The following CELF1 variants were observed in gnomAD, a reference collection of about 807,000 sequenced individuals.
CELF1 encodes 50 kDa nuclear polyadenylated RNA-binding protein.
CELF1 carries 10 observed loss-of-function variants against 61.8 expected under a neutral mutation model. The ratio of observed to expected loss-of-function variants is 0.16; its 90% CI spans 0.10 to 0.27. The LOEUF (loss-of-function observed/expected upper bound fraction) is 0.27. Ranked by LOEUF, CELF1 falls within the 10% of genes least tolerant of loss-of-function variation. The pLI is 1.00. For missense variants in CELF1, 380 were observed against 639.1 expected (o/e 0.59, Z 4.37); for synonymous variants, 236 against 225.1 (o/e 1.05, Z -0.43).
intron 1 of CELF1, among the ~76,000 whole-genome samples, chr11:47,549,825 T>G (rs557232822): frequency 6.6e-6 from 1 of 151,728 alleles, no homozygotes; most frequent in East Asian, 1.9e-4. Flanking sequence ...TTTTTGTTTT[T>G]TTTTTTTCTG....
At chr11:47,497,549 A>AT (rs2093344044) in intron 3 of CELF1, among the ~76,000 whole-genome samples, 1 of 152,368 alleles carries the variant, frequency 6.6e-6, no homozygotes, top group South Asian at 2.1e-4. Context: ...AATCGGGGCA[A>AT]TGGCCTACGC....
At chr11:47,474,342 T>A (rs2079039871) in intron 13 of CELF1, among the ~76,000 whole-genome samples, 1 of 152,200 alleles carries the variant, frequency 6.6e-6, no homozygotes, top group Non-Finnish European at 1.5e-5. Flanking sequence ...ATGCCCCTGT[T>A]ACTCTTCTTT....
chr11:47,545,465 C>A (rs759838802), intron 1 of CELF1, among the ~76,000 whole-genome samples: 1 of 151,820 alleles, frequency 6.6e-6, no homozygotes, highest in Non-Finnish European at 1.5e-5. Context: ...TCATTCAGAA[C>A]CATAAAGTCT....
intron 1 of CELF1, among the ~76,000 whole-genome samples, chr11:47,531,027 C>T (rs571187517): frequency 6.6e-6 from 1 of 150,814 alleles, no homozygotes; most frequent in South Asian, 2.1e-4. Flanking sequence ...CGGATGGATT[C>T]CCTGAGGTCA....
intron 13 of CELF1, among the ~76,000 whole-genome samples, chr11:47,474,063 T>G (rs1024853662): frequency 6.6e-6 from 1 of 152,112 alleles, no homozygotes; most frequent in African/African-American, 2.4e-5. Context: ...GGCGCCACCA[T>G]GCCTGGCGTA....
At position 47,482,505 on chromosome 11, in the gene CELF1, C is replaced by T. The variant is rs2083927217; in HGVS notation, c.768+190G>A. Reference sequence around the variant, plus strand: ...CAAGATATAACCAGAGATGCATGTCCAGAGATACATATATATAGAGAGAGA... The same window carrying T: ...CAAGATATAACCAGAGATGCATGTCTAGAGATACATATATATAGAGAGAGA... On this transcript the variant is annotated intron_variant, in intron 9 of 14. Transcript: ENST00000687097. The T allele has an allele frequency of 1.5e-5, 6 of 413,288 alleles. No homozygotes were observed. In the South Asian group the frequency reaches 4.8e-4, roughly 33 times the overall value. The allele number at this position is 413,288 out of a possible 1,614,324, so 25.6% of individuals were successfully genotyped here.
intron 9 of CELF1, 70 bp downstream of exon 9, chr11:47,482,625 C>T: frequency 6.8e-7 from 1 of 1,470,248 alleles, no homozygotes; most frequent in South Asian, 1.3e-5. Flanking sequence ...TGTTTGTTGG[C>T]TAGGGACAGC....
intron 3 of CELF1, among the ~76,000 whole-genome samples, chr11:47,491,713 C>T (rs914479374): frequency 5.9e-5 from 9 of 152,292 alleles, no homozygotes; most frequent in Middle Eastern, 3.4e-3. Context: ...TGAACATAAT[C>T]GGGCTGTATC....
chr11:47,484,586 T>G (rs2085465380), intron 6 of CELF1, 63 bp from the exon 7 acceptor site: 1 of 1,484,352 alleles, frequency 6.7e-7, no homozygotes, highest in Middle Eastern at 1.8e-4. Flanking sequence ...TGGCACAGAT[T>G]TGGGAGCCAG....
rs933049664 is a variant in CELF1 at position 47,470,909 on chromosome 11, GCTAA to G, written c.*1317_*1320del. ...TAAGACCTGCAAGAGGCGGCAGGGA[GCTAA>G]CTGTAGCACGAGGACAAAAATGAAC... On this transcript the variant is annotated 3_prime_UTR_variant, in exon 15 of 15. Coordinates refer to ENST00000687097, the MANE Select transcript of CELF1 (RefSeq NM_001376376.1). The G allele has an allele frequency of 2.0e-5, 3 of 152,228 alleles. No individual in the cohort carries two copies. The highest frequency in any genetic ancestry group is 7.2e-5 in the African/African-American group (3 of 41,426). 9.4% of individuals were successfully genotyped at this position (152,228 alleles called of 1,614,324 possible). A position where few individuals can be genotyped will look rare whatever the true frequency, so the allele number is the denominator to read the frequency against.
At position 47,467,593 on chromosome 11, in the gene CELF1, C is replaced by A. The variant is rs181043887; in HGVS notation, c.*4637G>T. On this transcript the variant is annotated 3_prime_UTR_variant, in exon 15 of 15. Coordinates refer to ENST00000687097, the MANE Select transcript of CELF1 (RefSeq NM_001376376.1). ...CGCTTGGTGTGCAGATGGCCTCCTA[C>A]GGGTGATTGGGAGCGCCCTCCTTCC... 6.6e-6 allele frequency: 1 copy of A among 152,396 alleles called. No individual in the cohort carries two copies. Among genetic ancestry groups the A allele is most frequent in the African/African-American group, 2.4e-5 (1 of 41,444 alleles). 9.4% of individuals were successfully genotyped at this position (152,396 alleles called of 1,614,324 possible). A position where few individuals can be genotyped will look rare whatever the true frequency, so the allele number is the denominator to read the frequency against.
At chr11:47,548,175 T>C (rs1712278801) in intron 1 of CELF1, among the ~76,000 whole-genome samples, 1 of 151,962 alleles carries the variant, frequency 6.6e-6, no homozygotes, top group African/African-American at 2.4e-5. Flanking sequence ...GGCAGGAACC[T>C]GTAATCCCAG....
chr11:47,523,466 G>A (rs765375279), intron 1 of CELF1: 1 of 152,130 alleles, frequency 6.6e-6, no homozygotes, highest in Non-Finnish European at 1.5e-5. Flanking sequence ...TCCAGGAGAG[G>A]CTAAGCACCA....
rs1331763086 is a variant in CELF1 at position 47,468,221 on chromosome 11, AAG to A, written c.*4007_*4008del. On this transcript the variant is annotated 3_prime_UTR_variant, in exon 15 of 15. Coordinates refer to ENST00000687097, the MANE Select transcript of CELF1 (RefSeq NM_001376376.1). ...CTCCAGGGAAGAACCACAAAAGAAA[AAG>A]AAAAAGAAAAAGGGCTGGCTGGGGC... The A allele has an allele frequency of 6.6e-6, 1 of 152,190 alleles. No homozygotes were observed. The highest frequency in any genetic ancestry group is 1.5e-5 in the Non-Finnish European group (1 of 68,134). The allele number at this position is 152,190 out of a possible 1,614,324, so 9.4% of individuals were successfully genotyped here. A position where few individuals can be genotyped will look rare whatever the true frequency, so the allele number is the denominator to read the frequency against.
intron 1 of CELF1, among the ~76,000 whole-genome samples, chr11:47,515,663 A>G (rs567612499): frequency 2.0e-5 from 3 of 152,234 alleles, no homozygotes; most frequent in South Asian, 2.1e-4. Flanking sequence ...CGGAGTCATT[A>G]TAACACATAA....
chr11:47,561,921 T>C (rs1169031598), intron 2 of CELF1, among the ~76,000 whole-genome samples: 1 of 150,814 alleles, frequency 6.6e-6, no homozygotes, highest in African/African-American at 2.4e-5. Context: ...AACACACAAG[T>C]GATATCTATT....
intron 1 of CELF1, chr11:47,513,623 T>C (rs2095371012): frequency 6.6e-6 from 1 of 151,366 alleles, no homozygotes; most frequent in East Asian, 2.0e-4. Flanking sequence ...CCACGCCTAA[T>C]TTTTTGTATT....
At chr11:47,498,242 ACAAAAAGTT>A (rs79153566) in intron 3 of CELF1, among the ~76,000 whole-genome samples, 16,225 of 152,122 alleles carry the variant, frequency 0.11, 989 homozygotes, top group Non-Finnish European at 0.14. Flanking sequence ...CCTCATATCT[ACAAAAAGTT>A]TAAAAATTAG....
intron 1 of CELF1, among the ~76,000 whole-genome samples, chr11:47,514,167 G>A (rs374937975): frequency 2.6e-5 from 4 of 151,714 alleles, no homozygotes; most frequent in South Asian, 2.1e-4. Context: ...TCAAGTGATG[G>A]GCTCACCTTG....
Sources: gnomAD v4.1 joint callset for allele counts (sites outside exome capture counted in the v4.1 genomes callset) on GRCh38, gnomAD v4.1.1 for gene constraint, MANE v1.5 for transcripts, NCBI Gene and HGNC (gene_info 2026-07-23, HGNC 2026-07-21) for gene names.